Variants in CCDC169 observed in about 807,000 individuals in gnomAD.
CCDC169 encodes the protein coiled-coil domain-containing protein 169.
Under a neutral mutation model 36.0 loss-of-function variants are expected in CCDC169, and 30 were observed. The observed-to-expected ratio is 0.83, with a 90% CI of 0.62 to 1.13. CCDC169 has a LOEUF of 1.13. Ranked by LOEUF, CCDC169 falls within the 50% of genes most tolerant of loss-of-function variation. CCDC169 has a pLI of 0.00. For synonymous variants in CCDC169, 85 were observed against 81.5 expected (o/e 1.04, Z -0.23); for missense variants, 245 against 245.9 (o/e 1.00, Z 0.03).
intron 7 of CCDC169, among the ~76,000 whole-genome samples, chr13:36,241,775 TA>T (rs1871850336): frequency 1.3e-5 from 2 of 152,134 alleles, no homozygotes; most frequent in Non-Finnish European, 2.9e-5. Context: ...TATGATCAGC[TA>T]AATATAGAAA....
At chr13:36,233,951 T>A (rs1458718968) in intron 7 of CCDC169, among the ~76,000 whole-genome samples, 1 of 152,202 alleles carries the variant, frequency 6.6e-6, no homozygotes, top group East Asian at 1.9e-4. Context: ...CTCCTTTCTA[T>A]GCTTTTCCCC....
intron 4 of CCDC169, among the ~76,000 whole-genome samples, chr13:36,275,072 G>A (rs998777409): frequency 1.3e-5 from 2 of 151,976 alleles, no homozygotes; most frequent in African/African-American, 4.8e-5. Flanking sequence ...GTTTCACCGT[G>A]TTAGCCAGGA....
At chr13:36,282,875 T>C (rs1401460743) in intron 4 of CCDC169, 1 of 152,622 alleles carries the variant, frequency 6.6e-6, no homozygotes, top group African/African-American at 2.4e-5. Context: ...ACAAGGGTGG[T>C]GATACCCACT....
At chr13:36,272,339 G>A (rs1475716882) in intron 4 of CCDC169, among the ~76,000 whole-genome samples, 1 of 152,010 alleles carries the variant, frequency 6.6e-6, no homozygotes, top group Non-Finnish European at 1.5e-5. Context: ...TCGCAGTAAT[G>A]GGTCTGCTTT....
At chr13:36,288,815 T>C (rs1383941028) in intron 2 of CCDC169, among the ~76,000 whole-genome samples, 1 of 152,102 alleles carries the variant, frequency 6.6e-6, no homozygotes, top group East Asian at 1.9e-4. Context: ...AAGTTGTGGA[T>C]ACAAAAATGT....
rs191004773 is a variant in CCDC169, at chr13:36,286,845, C to T, written c.164-3143G>A. Among the ~76,000 whole-genome samples the T allele has an allele frequency of 2.4e-3, 359 of 152,260 alleles. 7 individuals carry two copies. The highest frequency in any genetic ancestry group is 2.2e-4 in the Non-Finnish European group (15 of 68,026). ...AAACAAGAGAGGTAGGGGTACTGTG[C>T]AGTGGCTGGAAGGCTCATAAACCTC... is the stretch of plus-strand genomic sequence containing the variant. On this transcript the variant is annotated intron_variant, in intron 2 of 7. Coordinates refer to ENST00000239859, the MANE Select transcript of CCDC169 (RefSeq NM_001144981.3).
In CCDC169 at chr13:36,283,717, G is replaced by C. The variant is rs1176266234; in HGVS notation, c.164-15C>G. 106 of 1,531,864 alleles carry C rather than the reference G, an allele frequency of 6.9e-5. No homozygotes were observed. The highest frequency in any genetic ancestry group is 9.4e-5 in the Non-Finnish European group (106 of 1,131,320). 94.9% of individuals were successfully genotyped at this position (1,531,864 alleles called of 1,614,324 possible). A position where few individuals can be genotyped will look rare whatever the true frequency, so the allele number is the denominator to read the frequency against. ...CCATTCACTACCTGAGTAAAAACAGGGAGAAACAATCAAGATCACCCCACC... is the reference window on the plus strand; with the variant it reads ...CCATTCACTACCTGAGTAAAAACAGCGAGAAACAATCAAGATCACCCCACC... On this transcript the variant is annotated splice_polypyrimidine_tract_variant and intron_variant, in intron 2 of 7. Transcript: ENST00000239859.
At chr13:36,249,137 G>A (rs1478672233) in intron 6 of CCDC169, among the ~76,000 whole-genome samples, 1 of 152,206 alleles carries the variant, frequency 6.6e-6, no homozygotes, top group African/African-American at 2.4e-5. Flanking sequence ...CTAGTGGTCA[G>A]TGTAAATGTA....
Position 36,263,230 on chromosome 13 carries a change from C to T in CCDC169, c.316-9087G>A, listed in dbSNP as rs140660861. Among the ~76,000 whole-genome samples the T allele has an allele frequency of 7.9e-5, 12 of 152,268 alleles. No homozygotes were observed. In the East Asian group the frequency reaches 1.4e-3, roughly 17 times the overall value. On this transcript the variant is annotated intron_variant, in intron 4 of 7. Transcript: ENST00000239859. Reference sequence around the variant, plus strand: ...GGTTAGAGGTCAGAGCAATAACATACTCATTTGGTTTAAAATTTAATCCCC... The same window carrying T: ...GGTTAGAGGTCAGAGCAATAACATATTCATTTGGTTTAAAATTTAATCCCC...
chr13:36,266,198 TTTTC>T (rs1204103008), intron 4 of CCDC169, among the ~76,000 whole-genome samples: 2 of 152,272 alleles, frequency 1.3e-5, no homozygotes, highest in Admixed American at 1.3e-4. Context: ...CTGTTCTTGC[TTTTC>T]TTTCTTTAAT....
chr13:36,263,638 CTA>C (rs1874879569), intron 4 of CCDC169, among the ~76,000 whole-genome samples: 1 of 152,152 alleles, frequency 6.6e-6, no homozygotes, highest in South Asian at 2.1e-4. Context: ...CACATCCTCA[CTA>C]TATATGTTTG....
downstream of CCDC169, chr13:36,223,546 T>C (rs923406015): frequency 4.2e-4 from 64 of 152,190 alleles, no homozygotes; most frequent in African/African-American, 1.4e-3. Flanking sequence ...AAATATATGA[T>C]ATGAGCTCAT....
At chr13:36,282,373 G>T (rs1411943278) in intron 4 of CCDC169, 8 of 985,148 alleles carry the variant, frequency 8.1e-6, no homozygotes, top group Non-Finnish European at 9.6e-6. Context: ...AGCTAAGAGG[G>T]TCTCTTGACT....
chr13:36,226,965 A>G (rs9546783), downstream of CCDC169: 180,387 of 423,272 alleles, frequency 0.43, 39,862 homozygotes, highest in Non-Finnish European at 0.47. Flanking sequence ...AATAAATAAC[A>G]ACGAAGAAAA....
At chr13:36,224,075 C>T (rs1869742007), downstream of CCDC169, 1 of 151,820 alleles carries the variant, frequency 6.6e-6, no homozygotes, top group Admixed American at 6.6e-5. Context: ...AAAATCCAGC[C>T]CCAGTCAAAA....
At chr13:36,281,093 T>A (rs1053394787) in intron 4 of CCDC169, 1 of 346,230 alleles carries the variant, frequency 2.9e-6, no homozygotes, top group African/African-American at 2.2e-5. Flanking sequence ...CTATGTCTTT[T>A]TTTGAATGAT....
At chr13:36,293,189 T>C (rs1879116025) in intron 2 of CCDC169, among the ~76,000 whole-genome samples, 1 of 152,170 alleles carries the variant, frequency 6.6e-6, no homozygotes, top group Non-Finnish European at 1.5e-5. Flanking sequence ...CAGTAATAAA[T>C]TCCTTTTAAA....
intron 2 of CCDC169, 107 bp downstream of exon 2, chr13:36,295,671 A>G: frequency 1.8e-6 from 1 of 541,576 alleles, no homozygotes; most frequent in Non-Finnish European, 3.2e-6. Context: ...CAATACTGAA[A>G]TGTTGGTACT....
chr13:36,290,665 T>C (rs760407795), intron 2 of CCDC169, among the ~76,000 whole-genome samples: 1 of 152,148 alleles, frequency 6.6e-6, no homozygotes, highest in Non-Finnish European at 1.5e-5. Flanking sequence ...TAAGTCAAGA[T>C]TACAGTATCT....
Sources: gnomAD v4.1 joint callset for allele counts (sites outside exome capture counted in the v4.1 genomes callset) on GRCh38, gnomAD v4.1.1 for gene constraint, MANE v1.5 for transcripts, NCBI Gene and HGNC (gene_info 2026-07-23, HGNC 2026-07-21) for gene names.